The following WWOX variants were observed in gnomAD, a reference collection of about 807,000 sequenced individuals.
WWOX encodes the protein WW domain containing oxidoreductase.
In WWOX, 69 loss-of-function variants were observed where a neutral mutation model predicts 46.2. The ratio of observed to expected loss-of-function variants is 1.49; its 90% CI spans 1.23 to 1.82. The LOEUF (loss-of-function observed/expected upper bound fraction) is 1.82, where lower values mean the gene tolerates loss of function less well. Among genes scored for constraint, WWOX ranks in the 40% most tolerant of loss-of-function variants. The pLI, the probability that WWOX is intolerant of heterozygous loss-of-function variation, is 0.00. For missense variants in WWOX, 919 were observed against 542.6 expected (o/e 1.69, Z -6.89); for synonymous variants, 359 against 202.6 (o/e 1.77, Z -6.56).
chr16:78,746,235 C>T (rs889987634), intron 8 of WWOX, among the ~76,000 whole-genome samples: 1 of 152,200 alleles, frequency 6.6e-6, no homozygotes, highest in African/African-American at 2.4e-5. Flanking sequence ...TGGTGGCTCA[C>T]ACCTGTAATT....
intron 6 of WWOX, among the ~76,000 whole-genome samples, chr16:78,399,343 G>A (rs1291880372): frequency 6.6e-6 from 1 of 152,034 alleles, no homozygotes; most frequent in Non-Finnish European, 1.5e-5. Flanking sequence ...AACTTCTAAA[G>A]TAATCATAGT....
chr16:78,218,945 A>G (rs1414460387), intron 5 of WWOX, among the ~76,000 whole-genome samples: 1 of 152,252 alleles, frequency 6.6e-6, no homozygotes, highest in African/African-American at 2.4e-5. Flanking sequence ...TAGATGCTTC[A>G]CAATTTGAAA....
chr16:79,045,588 A>C (rs1427725971), intron 8 of WWOX, among the ~76,000 whole-genome samples: 1 of 152,052 alleles, frequency 6.6e-6, no homozygotes, highest in African/African-American at 2.4e-5. Context: ...GCCTCAAAAC[A>C]ATCTGATGCA....
chr16:78,201,085 C>T (rs930294474), intron 5 of WWOX, among the ~76,000 whole-genome samples: 3 of 152,062 alleles, frequency 2.0e-5, no homozygotes, highest in African/African-American at 7.2e-5. Flanking sequence ...ATTAATCCAC[C>T]CTGGATAGAA....
chr16:78,113,447 T>C (rs1165812011), intron 3 of WWOX, among the ~76,000 whole-genome samples: 1 of 152,218 alleles, frequency 6.6e-6, no homozygotes, highest in Non-Finnish European at 1.5e-5. Flanking sequence ...TGGGCGTTGT[T>C]GTGTTCCAAT....
chr16:79,153,732 C>A (rs1360961893), intron 8 of WWOX, among the ~76,000 whole-genome samples: 1 of 152,070 alleles, frequency 6.6e-6, no homozygotes, highest in Non-Finnish European at 1.5e-5. Context: ...GTGAAAGCAA[C>A]CTTTAGTATC....
intron 8 of WWOX, among the ~76,000 whole-genome samples, chr16:78,535,958 G>A (rs910482530): frequency 6.6e-6 from 1 of 152,198 alleles, no homozygotes; most frequent in Non-Finnish European, 1.5e-5. Context: ...TCGTTGCATA[G>A]CACCTGATAC....
intron 6 of WWOX, among the ~76,000 whole-genome samples, chr16:78,392,747 G>C (rs1055338832): frequency 1.1e-4 from 16 of 152,174 alleles, no homozygotes; most frequent in Non-Finnish European, 1.5e-4. Context: ...GAATACTTCA[G>C]AGGCAGTGGT....
intron 8 of WWOX, among the ~76,000 whole-genome samples, chr16:78,586,702 T>A (rs955603061): frequency 6.6e-6 from 1 of 152,234 alleles, no homozygotes; most frequent in Non-Finnish European, 1.5e-5. Flanking sequence ...TCACATAATC[T>A]CATTTCATCT....
At chr16:78,389,883 G>A (rs912788464) in intron 6 of WWOX, among the ~76,000 whole-genome samples, 1 of 152,080 alleles carries the variant, frequency 6.6e-6, no homozygotes, top group Non-Finnish European at 1.5e-5. Flanking sequence ...CAGAGTAGCT[G>A]GGATTACAGG....
In WWOX at chr16:78,749,864, T is replaced by C. The variant is rs556982627; in HGVS notation, c.1056+317112T>C. On this transcript the variant is annotated intron_variant, in intron 8 of 8. Coordinates refer to ENST00000566780, the MANE Select transcript of WWOX (RefSeq NM_016373.4). ...AGCTGACAACCACATCCTGGGTGGT[T>C]ATTTAATACCAAGTTTGACTTTCTT... Among the ~76,000 whole-genome samples the C allele has an allele frequency of 2.6e-5, 4 of 152,318 alleles. No homozygotes were observed. In the South Asian group the frequency reaches 6.2e-4, roughly 24 times the overall value.
intron 8 of WWOX, among the ~76,000 whole-genome samples, chr16:79,027,975 G>A (rs983338874): frequency 4.6e-5 from 7 of 151,572 alleles, no homozygotes; most frequent in African/African-American, 7.3e-5. Context: ...TTTTTGAGAC[G>A]GAGTGTCGCT....
chr16:78,238,384 C>T (rs1041099489), intron 5 of WWOX, among the ~76,000 whole-genome samples: 1 of 152,028 alleles, frequency 6.6e-6, no homozygotes. Flanking sequence ...AGAGAAGCCT[C>T]GACCTCCCGG....
intron 8 of WWOX, among the ~76,000 whole-genome samples, chr16:78,790,462 A>C (rs79165084): frequency 2.0e-5 from 3 of 152,144 alleles, no homozygotes; most frequent in African/African-American, 4.8e-5. Flanking sequence ...GTCTACACAC[A>C]GTGAACTTAA....
rs543768535 is a variant in WWOX at position 78,711,720 on chromosome 16, C to T, written c.1056+278968C>T. On this transcript the variant is annotated intron_variant, in intron 8 of 8. Transcript: ENST00000566780. The stretch of plus-strand genomic sequence containing the variant: ...CAGCACAGTTTGAATATAAGTGTTC[C>T]CTCCAATTCCCATGTTAGTGCTTTA... 8.7e-4 allele frequency among the ~76,000 whole-genome samples: 133 copies of T among 152,246 alleles called. 1 individual carries two copies. Among genetic ancestry groups the T allele is most frequent in the African/African-American group, 3.1e-3 (128 of 41,540 alleles).
rs996514241 is a variant in WWOX at position 78,819,311 on chromosome 16, G to T, written c.1056+386559G>T. On this transcript the variant is annotated intron_variant, in intron 8 of 8. Transcript: ENST00000566780. ...CTCCATAGACAGGGCTTACACACCG[G>T]ACCAAATTGAGGACTAGCTAAAACA... Among the ~76,000 whole-genome samples, 14 of 152,120 alleles carry T rather than the reference G, an allele frequency of 9.2e-5. No individual in the cohort carries two copies. In the South Asian group the frequency reaches 2.3e-3, roughly 25 times the overall value.
intron 5 of WWOX, among the ~76,000 whole-genome samples, chr16:78,340,773 T>A (rs2080998562): frequency 8.5e-6 from 1 of 117,868 alleles, no homozygotes; most frequent in South Asian, 2.6e-4. Flanking sequence ...ACTGCTAGAG[T>A]TCTAGAGCCA....
At chr16:79,023,653 C>G (rs1744046159) in intron 8 of WWOX, among the ~76,000 whole-genome samples, 1 of 152,106 alleles carries the variant, frequency 6.6e-6, no homozygotes, top group Non-Finnish European at 1.5e-5. Context: ...GACGTGGTGG[C>G]TTACACCTGT....
Position 78,989,856 on chromosome 16 carries a change from G to GTGTGTGTT in WWOX, c.1057-221752_1057-221751insTGTGTGTT, listed in dbSNP as rs1555507884. On this transcript the variant is annotated intron_variant, in intron 8 of 8. Coordinates refer to ENST00000566780, the MANE Select transcript of WWOX (RefSeq NM_016373.4). ...TGTGTGTGTGTGTGTGTGTGTGTGT[G>GTGTGTGTT]ATTGAGAGAGAGAGAGACAGATGGA... Among the ~76,000 whole-genome samples the GTGTGTGTT allele has an allele frequency of 3.3e-5, 5 of 149,724 alleles. No homozygotes were observed. The East Asian group carries it at 1.0e-3, about 30-fold the overall frequency.
Sources: allele counts gnomAD v4.1 joint callset (sites outside exome capture counted in the v4.1 genomes callset), GRCh38; gene constraint gnomAD v4.1.1; transcripts MANE v1.5; gene names NCBI Gene and HGNC (gene_info 2026-07-23, HGNC 2026-07-21).